Variants in YAF2 observed in about 807,000 individuals in gnomAD.
YAF2 encodes YY1 associated factor 2.
Under a neutral mutation model 20.1 loss-of-function variants are expected in YAF2, and 7 were observed. The observed-to-expected ratio is 0.35, with a 90% CI of 0.20 to 0.65. The LOEUF is 0.65. Ranked by LOEUF, YAF2 falls within the 30% of genes least tolerant of loss-of-function variation. YAF2 has a pLI of 0.69. For synonymous variants in YAF2, 74 were observed against 76.0 expected (o/e 0.97, Z 0.14); for missense variants, 151 against 219.2 (o/e 0.69, Z 1.96).
intron 2 of YAF2, among the ~76,000 whole-genome samples, chr12:42,184,200 A>G (rs1218467638): frequency 1.3e-5 from 2 of 152,240 alleles, no homozygotes; most frequent in African/African-American, 4.8e-5. Context: ...TGGTCACCCA[A>G]GAGCTCTAAG....
intron 2 of YAF2, among the ~76,000 whole-genome samples, chr12:42,225,565 G>C (rs969741802): frequency 2.0e-5 from 3 of 152,162 alleles, no homozygotes; most frequent in Non-Finnish European, 4.4e-5. Flanking sequence ...TAAAGTGTAA[G>C]GAAGGGATCC....
At chr12:42,186,401 T>C (rs896327857) in intron 2 of YAF2, among the ~76,000 whole-genome samples, 9 of 151,512 alleles carry the variant, frequency 5.9e-5, no homozygotes, top group Non-Finnish European at 1.2e-4. Context: ...TCAAATATGG[T>C]ATATAAGGGT....
At chr12:42,176,182 G>T (rs1439015124) in intron 2 of YAF2, among the ~76,000 whole-genome samples, 1 of 149,582 alleles carries the variant, frequency 6.7e-6, no homozygotes, top group East Asian at 2.0e-4. Flanking sequence ...GAAGGCAGAG[G>T]TTGCAAGTGA....
intron 2 of YAF2, among the ~76,000 whole-genome samples, chr12:42,203,938 C>T (rs1275407385): frequency 6.6e-6 from 1 of 152,058 alleles, no homozygotes; most frequent in Non-Finnish European, 1.5e-5. Context: ...AAAACTATTC[C>T]TTCATACTTG....
At chr12:42,234,156 G>A in intron 2 of YAF2, 1 of 953,152 alleles carries the variant, frequency 1.0e-6, no homozygotes, top group Non-Finnish European at 1.2e-6. Context: ...GGGCGACAGA[G>A]CAAGACTGTC....
At chr12:42,223,931 T>A (rs1433760348) in intron 2 of YAF2, among the ~76,000 whole-genome samples, 1 of 151,428 alleles carries the variant, frequency 6.6e-6, no homozygotes, top group African/African-American at 2.4e-5. Flanking sequence ...TGCATGCAGG[T>A]CTTAAAACCT....
chr12:42,170,151 C>T (rs904752290), intron 2 of YAF2, among the ~76,000 whole-genome samples: 4 of 152,158 alleles, frequency 2.6e-5, no homozygotes, highest in Non-Finnish European at 4.4e-5. Flanking sequence ...GGGTTACAGG[C>T]ATGAGCCACC....
intron 1 of YAF2, 198 bp from the exon 2 acceptor site, chr12:42,237,922 C>T (rs1366638518): frequency 4.3e-6 from 2 of 459,886 alleles, no homozygotes; most frequent in Non-Finnish European, 5.9e-6. Flanking sequence ...GCCGCAGTCG[C>T]CGCCGCCACA....
At chr12:42,160,903 TG>T (rs1269432783) in intron 3 of YAF2, 77 bp from the exon 4 acceptor site, 2 of 1,308,768 alleles carry the variant, frequency 1.5e-6, no homozygotes, top group Non-Finnish European at 2.1e-6. Flanking sequence ...ATAATAAAAG[TG>T]GTAAAAGTAA....
chr12:42,159,939 G>A lies in YAF2; in HGVS notation c.*650C>T, dbSNP rs2065766403. ...TCCGCTAGTAAACATTACAATAAAT[G>A]AATGTTTTGAAAAATAAGCAAACAA... On this transcript the variant is annotated 3_prime_UTR_variant, in exon 4 of 4. Transcript: ENST00000534854. 6.6e-6 allele frequency: 1 copy of A among 152,408 alleles called. No homozygotes were observed. Among genetic ancestry groups the A allele is most frequent in the African/African-American group, 2.4e-5 (1 of 41,388 alleles). The allele number at this position is 152,408 out of a possible 1,614,324, so 9.4% of individuals were successfully genotyped here.
chr12:42,237,432 T>A, intron 2 of YAF2, 167 bp downstream of exon 2: 2 of 1,302,334 alleles, frequency 1.5e-6, no homozygotes, highest in Non-Finnish European at 2.0e-6. Context: ...CCGCAAACCA[T>A]CGCCTGGGTT....
chr12:42,211,427 C>CAA (rs34683165), intron 2 of YAF2, among the ~76,000 whole-genome samples: 673 of 51,370 alleles, frequency 0.013, 1 homozygote, highest in Middle Eastern at 0.016. Context: ...ACTCTGTCTC[C>CAA]AAAAAAAAAA....
chr12:42,158,666 C>T lies in YAF2; in HGVS notation c.*1923G>A. On this transcript the variant is annotated 3_prime_UTR_variant, in exon 4 of 4. Coordinates refer to ENST00000534854, the MANE Select transcript of YAF2 (RefSeq NM_005748.6). Reference sequence around the variant, plus strand: ...TCTCCATGCTACACCGTGTTCCCGTCTATGTAGAAAGATGAGTATCTTCCC... The same window carrying T: ...TCTCCATGCTACACCGTGTTCCCGTTTATGTAGAAAGATGAGTATCTTCCC... The T allele has an allele frequency of 6.6e-6, 1 of 152,138 alleles. No homozygotes were observed. Among genetic ancestry groups the T allele is most frequent in the East Asian group, 1.9e-4 (1 of 5,186 alleles). 9.4% of individuals were successfully genotyped at this position (152,138 alleles called of 1,614,324 possible). A position where few individuals can be genotyped will look rare whatever the true frequency, so the allele number is the denominator to read the frequency against.
intron 2 of YAF2, among the ~76,000 whole-genome samples, chr12:42,179,988 T>G (rs1379455918): frequency 6.6e-6 from 1 of 152,190 alleles, no homozygotes; most frequent in African/African-American, 2.4e-5. Context: ...AGCTTCCATT[T>G]CTGCAACCTA....
intron 2 of YAF2, among the ~76,000 whole-genome samples, chr12:42,196,117 G>A (rs1469488746): frequency 6.6e-6 from 1 of 151,616 alleles, no homozygotes; most frequent in East Asian, 1.9e-4. Flanking sequence ...AGCAACTCAG[G>A]AGGCTGAAGC....
At chr12:42,218,032 G>A (rs1263604699) in intron 2 of YAF2, among the ~76,000 whole-genome samples, 1 of 152,046 alleles carries the variant, frequency 6.6e-6, no homozygotes, top group Non-Finnish European at 1.5e-5. Flanking sequence ...CTTTAACTAT[G>A]GCAAACAGTA....
chr12:42,160,401 T>C lies in YAF2; in HGVS notation c.*188A>G, dbSNP rs2065773339. 1 of 570,770 alleles carries C rather than the reference T, an allele frequency of 1.8e-6. No homozygotes were observed. The highest frequency in any genetic ancestry group is 3.1e-6 in the Non-Finnish European group (1 of 326,040). 35.4% of individuals were successfully genotyped at this position (570,770 alleles called of 1,614,324 possible). ...TAACTGCAGAGACCAAAATGTTAAG[T>C]CTGGAAATGTTTGGTAGGCATCATT... On this transcript the variant is annotated 3_prime_UTR_variant, in exon 4 of 4. Transcript: ENST00000534854.
At chr12:42,235,424 T>G in intron 2 of YAF2, 1 of 1,069,278 alleles carries the variant, frequency 9.4e-7, no homozygotes, top group Non-Finnish European at 1.1e-6. Context: ...TCTTCTCTAG[T>G]AACAATACCC....
At position 42,237,685 on chromosome 12, in the gene YAF2, G is replaced by A; in HGVS notation, c.66C>T (p.Tyr22=). 6.3e-7 allele frequency: 1 copy of A among 1,581,974 alleles called. No homozygotes were observed. Among genetic ancestry groups the A allele is most frequent in the Non-Finnish European group, 8.6e-7 (1 of 1,166,246 alleles). ...RQPKPSSDEG[Y]WDCSVCTFRN... ...GGAAGGTGCAGACGCTACAGTCCCAGTAACCCTCATCCGAGGACGGCTTCG... is the reference window on the plus strand; with the variant it reads ...GGAAGGTGCAGACGCTACAGTCCCAATAACCCTCATCCGAGGACGGCTTCG... The change falls in exon 2 of 4, where the codon TAC becomes TAT. Residue 22 remains tyrosine (Y), a synonymous_variant. Transcript: ENST00000534854.
Sources: allele counts gnomAD v4.1 joint callset (sites outside exome capture counted in the v4.1 genomes callset), GRCh38; gene constraint gnomAD v4.1.1; transcripts MANE v1.5; gene names NCBI Gene and HGNC (gene_info 2026-07-23, HGNC 2026-07-21).